Variants in DNAH5 observed in about 807,000 individuals in gnomAD.
The protein encoded by DNAH5 is dynein axonemal heavy chain 5.
Under a neutral mutation model 518.2 loss-of-function variants are expected in DNAH5, and 372 were observed. The observed-to-expected ratio is 0.72, with a 90% CI of 0.66 to 0.78. DNAH5 has a LOEUF of 0.78. Among genes scored for constraint, DNAH5 ranks in the 30% least tolerant of loss-of-function variants. DNAH5 has a pLI of 0.00. For missense variants in DNAH5, 5,523 were observed against 5,687.0 expected (o/e 0.97, Z 0.93); for synonymous variants, 2,039 against 2,025.9 (o/e 1.01, Z -0.17).
chr5:13,876,200 T>C (rs1055967988), intron 22 of DNAH5, among the ~76,000 whole-genome samples: 2 of 152,196 alleles, frequency 1.3e-5, no homozygotes, highest in Non-Finnish European at 2.9e-5. Context: ...AAGTTTGTAT[T>C]GATAGTACTA....
At chr5:13,951,343 A>G (rs1202546025) in intron 1 of DNAH5, among the ~76,000 whole-genome samples, 4 of 150,258 alleles carry the variant, frequency 2.7e-5, no homozygotes, top group South Asian at 4.2e-4. Flanking sequence ...CAGCTCCCCA[A>G]ATAGCTGGAA....
At position 13,817,623 on chromosome 5, in the gene DNAH5, G is replaced by C; in HGVS notation, c.6913C>G (p.Leu2305Val). Residue 2305 changes from leucine to valine, a missense_variant, in exon 42 of 79, where the codon CTG (leucine) becomes GTG (valine). Leu to Val is a conservative substitution (Grantham distance 32). Coordinates refer to ENST00000265104, the MANE Select transcript of DNAH5 (RefSeq NM_001369.3). ...AITAPQMFGR[L>V]DVATNDWTDG... is the part of the protein sequence containing the mutation. ...GTCCAGTCATTTGTGGCAACGTCCAGCCGACCAAACATCTGTGGGGCAGTA... is the reference window on the plus strand; with the variant it reads ...GTCCAGTCATTTGTGGCAACGTCCACCCGACCAAACATCTGTGGGGCAGTA... 1 of 1,614,092 alleles carries C rather than the reference G, an allele frequency of 6.2e-7. No homozygotes were observed. The highest frequency in any genetic ancestry group is 8.5e-7 in the Non-Finnish European group (1 of 1,179,994).
At chr5:13,754,578 A>G (rs1580074074) in intron 61 of DNAH5, among the ~76,000 whole-genome samples, 2 of 151,866 alleles carry the variant, frequency 1.3e-5, no homozygotes, top group Non-Finnish European at 2.9e-5. Flanking sequence ...CGCTCTTGTT[A>G]CCCAGGCTGC....
At chr5:13,948,761 T>C (rs1039323832), upstream of DNAH5, among the ~76,000 whole-genome samples, 1 of 149,562 alleles carries the variant, frequency 6.7e-6, no homozygotes, top group Admixed American at 6.8e-5. Context: ...AAGGTTATGC[T>C]GGTATTATAG....
chr5:13,882,745 C>T lies in DNAH5; in HGVS notation c.3245G>A (p.Gly1082Glu). Reference protein sequence around the residue: ...NEDSDSDVEMGENELQDTLEI... With the variant: ...NEDSDSDVEMEENELQDTLEI... ...ACATTTACCTTGAAGTTCATTTTCTCCCATTTCAACATCAGAATCACTGTC... is the reference window on the plus strand; with the variant it reads ...ACATTTACCTTGAAGTTCATTTTCTTCCATTTCAACATCAGAATCACTGTC... The change falls in exon 21 of 79, where the codon GGA becomes GAA. Residue 1082 changes from glycine to glutamate, a missense_variant. This residue lies in a region of DNAH5 where 5,121 missense variants were observed against 5,223.3 expected (regional missense o/e 0.98). Coordinates refer to ENST00000265104, the MANE Select transcript of DNAH5 (RefSeq NM_001369.3). 1 of 1,613,482 alleles carries T rather than the reference C, an allele frequency of 6.2e-7. No individual in the cohort carries two copies. Among genetic ancestry groups the T allele is most frequent in the African/African-American group, 1.3e-5 (1 of 75,030 alleles).
rs938552406 is a variant in DNAH5 at position 13,702,685 on chromosome 5, G to C, written c.13339-1249C>G. ...TATTAAAGATGAGAAGGAAATAAAG[G>C]GGTCTGGTCAAAGCTGATTCTGAGT... is the stretch of plus-strand genomic sequence containing the variant. On this transcript the variant is annotated intron_variant, in intron 76 of 78. Coordinates refer to ENST00000265104, the MANE Select transcript of DNAH5 (RefSeq NM_001369.3). 2.6e-5 allele frequency among the ~76,000 whole-genome samples: 4 copies of C among 151,956 alleles called. No individual in the cohort carries two copies. The East Asian group carries it at 7.7e-4, about 29-fold the overall frequency.
In DNAH5 at chr5:13,793,700, A is replaced by T. The variant is rs143754999; in HGVS notation, c.8039T>A (p.Met2680Lys). The change falls in exon 49 of 79, where the codon ATG becomes AAG. Residue 2680 changes from methionine (M) to lysine (K), a missense_variant. This residue lies in a region of DNAH5 where 5,121 missense variants were observed against 5,223.3 expected (regional missense o/e 0.98). Transcript: ENST00000265104. ...TAGATTATAGAATCCATTTTGTTCC[A>T]TCAGCTGTCGCACTATCTCATTCGT... ...QVTNEIVRQL[M>K]EQNGFYNLEK... The T allele has an allele frequency of 6.2e-7, 1 of 1,614,180 alleles. No individual in the cohort carries two copies. Among genetic ancestry groups the T allele is most frequent in the African/African-American group, 1.3e-5 (1 of 75,040 alleles).
chr5:13,845,201 T>C (rs1308923676), intron 31 of DNAH5, among the ~76,000 whole-genome samples: 1 of 152,146 alleles, frequency 6.6e-6, no homozygotes, highest in Non-Finnish European at 1.5e-5. Context: ...AATAATTTTT[T>C]CCCAAAATTG....
intron 30 of DNAH5, 119 bp from the exon 31 acceptor site, chr5:13,850,934 T>C (rs1580580344): frequency 1.0e-6 from 1 of 959,650 alleles, no homozygotes; most frequent in East Asian, 2.4e-5. Context: ...ATCCAAGCAA[T>C]ATATGCCTAA....
In DNAH5 at chr5:13,786,203, T is replaced by C. The variant is rs766224031; in HGVS notation, c.8796A>G (p.Ala2932=). The change falls in exon 52 of 79, where the codon GCA becomes GCG. Residue 2932 remains alanine, a synonymous_variant. Coordinates refer to ENST00000265104, the MANE Select transcript of DNAH5 (RefSeq NM_001369.3). ...CCTTGACTAAGTGAACCATGGCATC[T>C]GCAAAGAACACCATGTCCATGCCGG... is the stretch of plus-strand genomic sequence containing the variant. The part of the protein sequence containing the change: ...RGAGMDMVFF[A]DAMVHLVKIS... 1 of 1,614,050 alleles carries C rather than the reference T, an allele frequency of 6.2e-7. No individual in the cohort carries two copies.
At chr5:13,812,153 A>G (rs1760801757) in intron 43 of DNAH5, among the ~76,000 whole-genome samples, 1 of 152,192 alleles carries the variant, frequency 6.6e-6, no homozygotes, top group Admixed American at 6.5e-5. Flanking sequence ...CTACATGTTC[A>G]GCTACTACAC....
chr5:13,840,893 A>G lies in DNAH5; in HGVS notation c.5709+13T>C. 6.2e-7 allele frequency: 1 copy of G among 1,609,190 alleles called. No homozygotes were observed. The highest frequency in any genetic ancestry group is 8.5e-7 in the Non-Finnish European group (1 of 1,175,488). ...TTTTTCTCTACATGCCACAGCATTT[A>G]TAAAGAATTTACCAGGTCATCAAAG... is the stretch of plus-strand genomic sequence containing the variant. On this transcript the variant is annotated intron_variant, in intron 34 of 78. Coordinates refer to ENST00000265104, the MANE Select transcript of DNAH5 (RefSeq NM_001369.3).
intron 47 of DNAH5, among the ~76,000 whole-genome samples, chr5:13,796,972 T>C (rs997407402): frequency 4.6e-5 from 7 of 152,220 alleles, no homozygotes; most frequent in African/African-American, 1.7e-4. Flanking sequence ...ATTTAATAAA[T>C]GGTGCTGGGA....
At chr5:13,858,541 C>A (rs2151897994) in intron 30 of DNAH5, among the ~76,000 whole-genome samples, 1 of 147,634 alleles carries the variant, frequency 6.8e-6, no homozygotes, top group South Asian at 2.2e-4. Flanking sequence ...ACATTCTGCA[C>A]ATGTATCCCA....
intron 21 of DNAH5, among the ~76,000 whole-genome samples, chr5:13,881,418 T>C (rs1270389143): frequency 6.6e-6 from 1 of 152,044 alleles, no homozygotes; most frequent in African/African-American, 2.4e-5. Context: ...TTAACAAACT[T>C]AAGATCAAAT....
At chr5:13,871,064 A>T in intron 23 of DNAH5, 62 bp from the exon 24 acceptor site, 1 of 1,267,856 alleles carries the variant, frequency 7.9e-7, no homozygotes, top group Non-Finnish European at 1.1e-6. Flanking sequence ...GAAAAGTCAA[A>T]CTGTCGCTGT....
intron 38 of DNAH5, among the ~76,000 whole-genome samples, chr5:13,825,041 C>A (rs1413957332): frequency 6.6e-6 from 1 of 152,052 alleles, no homozygotes; most frequent in African/African-American, 2.4e-5. Flanking sequence ...GGTATATAGC[C>A]AAAAGAATTG....
intron 61 of DNAH5, among the ~76,000 whole-genome samples, chr5:13,756,051 C>G (rs1750957797): frequency 6.6e-6 from 1 of 152,198 alleles, no homozygotes; most frequent in Non-Finnish European, 1.5e-5. Context: ...GTAGTACCCC[C>G]CTCCTCAGGC....
At chr5:13,778,889 T>C (rs1353563595) in intron 53 of DNAH5, among the ~76,000 whole-genome samples, 4 of 152,200 alleles carry the variant, frequency 2.6e-5, no homozygotes, top group Non-Finnish European at 5.9e-5. Flanking sequence ...TCATTCCCAG[T>C]ATGACATGCA....
Sources: allele counts gnomAD v4.1 joint callset (sites outside exome capture counted in the v4.1 genomes callset), GRCh38; gene constraint gnomAD v4.1.1; regional missense constraint gnomAD v4.1.1; transcripts MANE v1.5; gene names NCBI Gene and HGNC (gene_info 2026-07-23, HGNC 2026-07-21).